The following FBLN1 variants were observed in gnomAD, a reference collection of about 807,000 sequenced individuals.
FBLN1 encodes the protein fibulin 1.
FBLN1 carries 34 observed loss-of-function variants against 89.7 expected under a neutral mutation model. The ratio of observed to expected loss-of-function variants is 0.38; its 90% CI spans 0.29 to 0.50. FBLN1 has a LOEUF of 0.50. Ranked by LOEUF, FBLN1 falls within the 20% of genes least tolerant of loss-of-function variation. The pLI is 0.92. For missense variants in FBLN1, 777 were observed against 988.1 expected (o/e 0.79, Z 2.86); for synonymous variants, 393 against 391.3 (o/e 1.00, Z -0.05).
At chr22:45,515,690 C>G (rs1402331858) in intron 1 of FBLN1, among the ~76,000 whole-genome samples, 2 of 152,198 alleles carry the variant, frequency 1.3e-5, no homozygotes, top group Admixed American at 6.5e-5. Context: ...CAATCCCCTT[C>G]GACGGTTTAA....
chr22:45,516,011 C>T (rs2088165090), intron 1 of FBLN1, among the ~76,000 whole-genome samples: 1 of 152,148 alleles, frequency 6.6e-6, no homozygotes, highest in Non-Finnish European at 1.5e-5. Flanking sequence ...ACATTTGTGG[C>T]TATGAGGGTA....
chr22:45,535,449 G>A (rs556754000), intron 8 of FBLN1, 112 bp downstream of exon 8: 1 of 1,346,050 alleles, frequency 7.4e-7, no homozygotes, highest in Non-Finnish European at 1.0e-6. Context: ...AACAGGGGTT[G>A]GCAAACTTTT....
At chr22:45,518,626 G>A (rs2088202884) in intron 1 of FBLN1, 56 bp from the exon 2 acceptor site, 1 of 1,337,826 alleles carries the variant, frequency 7.5e-7, no homozygotes, top group South Asian at 1.2e-5. Context: ...ATCTGGGAGG[G>A]CCCTCCACCC....
intron 16 of FBLN1, among the ~76,000 whole-genome samples, chr22:45,595,109 C>T (rs1334251178): frequency 6.6e-6 from 1 of 152,110 alleles, no homozygotes; most frequent in African/African-American, 2.4e-5. Flanking sequence ...CTTGAACTAG[C>T]CTGGAGATGG....
At position 45,525,529 on chromosome 22, in the gene FBLN1, C is replaced by T. The variant is rs1474714445; in HGVS notation, c.186-14C>T. ...GCGCACAGAGCCTTGGCCCAGCCCA[C>T]CCCTCACCCACAGGATGGTGCAGGA... On this transcript the variant is annotated splice_polypyrimidine_tract_variant and intron_variant, in intron 2 of 16. Transcript: ENST00000327858. 22 of 1,548,880 alleles carry T rather than the reference C, an allele frequency of 1.4e-5. No individual in the cohort carries two copies. Among genetic ancestry groups the T allele is most frequent in the Non-Finnish European group, 1.8e-5 (21 of 1,146,742 alleles).
At position 45,525,523 on chromosome 22, in the gene FBLN1, A is replaced by T; in HGVS notation, c.186-20A>T. 6.5e-7 allele frequency: 1 copy of T among 1,548,672 alleles called. No homozygotes were observed. The highest frequency in any genetic ancestry group is 8.7e-7 in the Non-Finnish European group (1 of 1,146,738). ...CCCCCTGCGCACAGAGCCTTGGCCCAGCCCACCCCTCACCCACAGGATGGT... is the reference window on the plus strand; with the variant it reads ...CCCCCTGCGCACAGAGCCTTGGCCCTGCCCACCCCTCACCCACAGGATGGT... On this transcript the variant is annotated intron_variant, in intron 2 of 16. Coordinates refer to ENST00000327858, the MANE Select transcript of FBLN1 (RefSeq NM_006486.3).
chr22:45,582,522 C>T (rs999524706), intron 16 of FBLN1, among the ~76,000 whole-genome samples: 3 of 152,238 alleles, frequency 2.0e-5, no homozygotes, highest in African/African-American at 7.2e-5. Flanking sequence ...CATCATGCTG[C>T]TCCCTGGGAC....
intron 1 of FBLN1, among the ~76,000 whole-genome samples, chr22:45,515,729 T>G (rs1205861376): frequency 6.6e-6 from 1 of 152,198 alleles, no homozygotes; most frequent in East Asian, 1.9e-4. Context: ...CAGAGAACTT[T>G]CTGTGTGCTT....
intron 10 of FBLN1, among the ~76,000 whole-genome samples, chr22:45,542,578 T>C (rs1465728242): frequency 1.3e-5 from 2 of 152,186 alleles, no homozygotes; most frequent in Admixed American, 6.5e-5. Context: ...TCTACACATG[T>C]GGGCAGCATC....
At chr22:45,598,899 G>A (rs2089208160) in intron 16 of FBLN1, among the ~76,000 whole-genome samples, 1 of 152,202 alleles carries the variant, frequency 6.6e-6, no homozygotes, top group African/African-American at 2.4e-5. Context: ...GCCTCAAAAG[G>A]GCCTCAGCCT....
chr22:45,566,412 C>A (rs1355525256), intron 14 of FBLN1, among the ~76,000 whole-genome samples: 1 of 152,198 alleles, frequency 6.6e-6, no homozygotes, highest in Non-Finnish European at 1.5e-5. Flanking sequence ...GCTGAGTGAC[C>A]TGAGTGCTCA....
At chr22:45,560,653 A>T (rs1008170756) in intron 14 of FBLN1, among the ~76,000 whole-genome samples, 2 of 152,300 alleles carry the variant, frequency 1.3e-5, no homozygotes, top group East Asian at 3.9e-4. Context: ...ATCCAACGCT[A>T]TGTTCCTTCC....
chr22:45,596,800 C>T (rs934413049), intron 16 of FBLN1, among the ~76,000 whole-genome samples: 2 of 125,164 alleles, frequency 1.6e-5, no homozygotes, highest in Non-Finnish European at 3.1e-5. Context: ...CATATAAATA[C>T]ACTTATGTGT....
chr22:45,541,505 T>G, intron 9 of FBLN1, 133 bp downstream of exon 9: 3 of 1,104,412 alleles, frequency 2.7e-6, no homozygotes, highest in Non-Finnish European at 2.7e-6. Flanking sequence ...CCACTGTCAG[T>G]TCCCAAGCAT....
rs199835399 is a variant in FBLN1 at position 45,542,207 on chromosome 22, C to T, written c.1119C>T (p.Cys373=). 1.2e-4 allele frequency: 195 copies of T among 1,614,202 alleles called. 1 individual carries two copies. The highest frequency in any genetic ancestry group is 1.8e-4 in the Admixed American group (11 of 60,028). ...PAEPCGKGHR[C]VNSPGSFRCE... is the part of the protein sequence containing the mutation. The stretch of plus-strand genomic sequence containing the variant: ...AGCCCTGTGGGAAGGGACATCGCTG[C>T]GTGAACTCTCCCGGCAGTTTCCGCT... Residue 373 remains cysteine, a synonymous_variant, in exon 10 of 17, where the codon TGC becomes TGT. Coordinates refer to ENST00000327858, the MANE Select transcript of FBLN1 (RefSeq NM_006486.3).
chr22:45,573,525 A>G (rs543320492), intron 14 of FBLN1, among the ~76,000 whole-genome samples: 3 of 150,468 alleles, frequency 2.0e-5, no homozygotes, highest in Non-Finnish European at 4.4e-5. Flanking sequence ...AAAAAATACA[A>G]AAAAAATTAG....
At chr22:45,594,273 T>C (rs1463401091) in intron 16 of FBLN1, among the ~76,000 whole-genome samples, 1 of 151,778 alleles carries the variant, frequency 6.6e-6, no homozygotes, top group African/African-American at 2.4e-5. Context: ...GAATTCGTGA[T>C]GGGGAGGCAG....
chr22:45,503,353 C>G, intron 1 of FBLN1: 1 of 216,724 alleles, frequency 4.6e-6, no homozygotes, highest in Non-Finnish European at 9.1e-6. Context: ...GGGGCCGCAT[C>G]CCGGGCCCTG....
chr22:45,581,355 A>G lies in FBLN1; in HGVS notation c.1972+4247A>G, dbSNP rs2089040336. ...TGTCTGGCTCCCTCCACTCAGCCTC[A>G]AGACCCAGCATGTGTGTGACCACTT... On this transcript the variant is annotated intron_variant, in intron 16 of 16. Transcript: ENST00000327858. The surrounding 1 kb of genome is among the most constrained non-coding windows in gnomAD (Gnocchi z 7.6). Among the ~76,000 whole-genome samples the G allele has an allele frequency of 6.6e-6, 1 of 151,956 alleles. No homozygotes were observed. Among genetic ancestry groups the G allele is most frequent in the African/African-American group, 2.4e-5 (1 of 41,370 alleles).
Sources: allele counts gnomAD v4.1 joint callset (sites outside exome capture counted in the v4.1 genomes callset), GRCh38; gene constraint gnomAD v4.1.1; non-coding constraint Gnocchi (gnomAD v3.1); transcripts MANE v1.5; gene names NCBI Gene and HGNC (gene_info 2026-07-23, HGNC 2026-07-21).